Variants in PDE11A observed in about 807,000 individuals in gnomAD.
The protein encoded by PDE11A is dual 3',5'-cyclic-AMP and -GMP phosphodiesterase 11A.
A neutral mutation model predicts 100.5 loss-of-function variants in PDE11A; 100 were observed. The ratio of observed to expected loss-of-function variants is 1.00; its 90% confidence interval spans 0.85 to 1.18. The LOEUF (loss-of-function observed/expected upper bound fraction) is 1.18. Ranked by LOEUF, PDE11A falls within the 50% of genes most tolerant of loss-of-function variation. The probability of loss-of-function intolerance (pLI) is 0.00; values close to 1 mark genes in which losing one functional copy is unlikely to be tolerated. For synonymous variants in PDE11A, 381 were observed against 420.8 expected (o/e 0.91, Z 1.16); for missense variants, 1,141 against 1,152.6 (o/e 0.99, Z 0.15).
At chr2:177,948,906 T>C (rs1443584387) in intron 2 of PDE11A, among the ~76,000 whole-genome samples, 1 of 152,150 alleles carries the variant, frequency 6.6e-6, no homozygotes, top group African/African-American at 2.4e-5. Flanking sequence ...TGACATCTTG[T>C]CTCTGAAAAA....
chr2:177,859,595 T>C (rs2083909367), intron 5 of PDE11A, among the ~76,000 whole-genome samples: 1 of 151,862 alleles, frequency 6.6e-6, no homozygotes, highest in African/African-American at 2.4e-5. Context: ...AGTAGAAGAC[T>C]TGAACAACAC....
intron 10 of PDE11A, among the ~76,000 whole-genome samples, chr2:177,762,271 G>A (rs1235634759): frequency 6.6e-6 from 1 of 152,160 alleles, no homozygotes; most frequent in African/African-American, 2.4e-5. Context: ...CACACTGAAC[G>A]AACAGTAGAG....
chr2:178,059,230 T>A (rs2086936687), intron 1 of PDE11A, among the ~76,000 whole-genome samples: 1 of 152,136 alleles, frequency 6.6e-6, no homozygotes, highest in Non-Finnish European at 1.5e-5. Flanking sequence ...GATACCTGTG[T>A]TCTACTGTTG....
intron 1 of PDE11A, among the ~76,000 whole-genome samples, chr2:178,067,229 G>A (rs912882837): frequency 6.6e-6 from 1 of 151,964 alleles, no homozygotes; most frequent in Admixed American, 6.6e-5. Context: ...ACAGCTTTGA[G>A]CCTCTCCTTG....
chr2:178,061,685 T>A (rs1341100122), intron 1 of PDE11A, among the ~76,000 whole-genome samples: 1 of 152,186 alleles, frequency 6.6e-6, no homozygotes, highest in Non-Finnish European at 1.5e-5. Context: ...ATTTTATACC[T>A]TCATATCTTT....
At chr2:177,871,531 T>C (rs1157060199) in intron 5 of PDE11A, among the ~76,000 whole-genome samples, 1 of 52,580 alleles carries the variant, frequency 1.9e-5, no homozygotes, top group South Asian at 7.5e-4. Context: ...AGTAAATTAT[T>C]ATTATTATTA....
chr2:177,690,046 C>T (rs1028587140), intron 15 of PDE11A, among the ~76,000 whole-genome samples: 10 of 152,166 alleles, frequency 6.6e-5, no homozygotes, highest in Non-Finnish European at 1.2e-4. Flanking sequence ...GCAACTAGCA[C>T]AGTGCCTGGC....
chr2:177,997,444 T>C (rs1242864143), intron 2 of PDE11A: 2 of 825,962 alleles, frequency 2.4e-6, no homozygotes, highest in Non-Finnish European at 4.3e-6. Flanking sequence ...TCCAGGATAG[T>C]GTTACTGTGC....
chr2:177,733,773 T>G (rs1425421105), intron 10 of PDE11A, among the ~76,000 whole-genome samples: 1 of 152,240 alleles, frequency 6.6e-6, no homozygotes. Context: ...CTTTTGCCAA[T>G]ATAATTATAG....
chr2:177,850,647 G>C (rs1574213521), intron 5 of PDE11A, among the ~76,000 whole-genome samples: 1 of 151,500 alleles, frequency 6.6e-6, no homozygotes, highest in Admixed American at 6.6e-5. Context: ...CTGACAAAGG[G>C]CTAATATCCA....
intron 2 of PDE11A, among the ~76,000 whole-genome samples, chr2:177,965,006 C>G (rs1485455993): frequency 6.6e-6 from 1 of 152,134 alleles, no homozygotes; most frequent in Non-Finnish European, 1.5e-5. Flanking sequence ...TAAGTGTTCC[C>G]TTTTCTCTAC....
intron 19 of PDE11A, among the ~76,000 whole-genome samples, chr2:177,649,306 T>C (rs2080272468): frequency 6.6e-6 from 1 of 152,206 alleles, no homozygotes; most frequent in African/African-American, 2.4e-5. Flanking sequence ...ATTGTGTATT[T>C]ACAAGAATAT....
intron 10 of PDE11A, among the ~76,000 whole-genome samples, chr2:177,754,915 T>C (rs1258458432): frequency 6.6e-6 from 1 of 152,238 alleles, no homozygotes; most frequent in African/African-American, 2.4e-5. Flanking sequence ...TATTTTACTA[T>C]GAGTTTCAAA....
At chr2:177,947,571 T>G (rs1300934583) in intron 2 of PDE11A, among the ~76,000 whole-genome samples, 1 of 151,882 alleles carries the variant, frequency 6.6e-6, no homozygotes, top group Non-Finnish European at 1.5e-5. Context: ...GAAGGCAGCA[T>G]GCTCGTTAAG....
rs201501678 is a variant in PDE11A at position 177,898,066 on chromosome 2, C to T, written c.1294G>A (p.Glu432Lys). The change falls in exon 4 of 20, where the codon GAA becomes AAA. Residue 432 changes from glutamate to lysine, a missense_variant. Coordinates refer to ENST00000286063, the MANE Select transcript of PDE11A (RefSeq NM_016953.4). The part of the protein sequence containing the change: ...RCSVLLLEDI[E>K]SPVVKFTKSF... Reference sequence around the variant, plus strand: ...GATAAAAGATAACTTACTGGTGATTCGATGTCCTCTAGGAGTAAAACAGAA... The same window carrying T: ...GATAAAAGATAACTTACTGGTGATTTGATGTCCTCTAGGAGTAAAACAGAA... The T allele has an allele frequency of 6.8e-6, 11 of 1,611,152 alleles. No homozygotes were observed. The highest frequency in any genetic ancestry group is 5.3e-5 in the African/African-American group (4 of 74,970).
chr2:177,842,820 G>C (rs1208678647), intron 5 of PDE11A, among the ~76,000 whole-genome samples: 1 of 152,160 alleles, frequency 6.6e-6, no homozygotes, highest in Non-Finnish European at 1.5e-5. Flanking sequence ...GTTTTAAGGA[G>C]TGGGGAGATA....
chr2:177,965,069 T>C (rs748923715), intron 2 of PDE11A, among the ~76,000 whole-genome samples: 1 of 152,196 alleles, frequency 6.6e-6, no homozygotes, highest in Middle Eastern at 3.2e-3. Flanking sequence ...CCATTCTGAG[T>C]GGTGTGAGAT....
At chr2:177,886,880 G>A (rs983200695) in intron 4 of PDE11A, among the ~76,000 whole-genome samples, 1 of 152,132 alleles carries the variant, frequency 6.6e-6, no homozygotes, top group African/African-American at 2.4e-5. Context: ...AAAGGGAGGA[G>A]AAGGGAAAGG....
chr2:178,083,367 G>A (rs946713780), intron 2 of PDE11A, among the ~76,000 whole-genome samples: 1 of 152,162 alleles, frequency 6.6e-6, no homozygotes, highest in African/African-American at 2.4e-5. Context: ...TCAAAGTGCT[G>A]GGATCACAGG....
Sources: gnomAD v4.1 joint callset for allele counts (sites outside exome capture counted in the v4.1 genomes callset) on GRCh38, gnomAD v4.1.1 for gene constraint, MANE v1.5 for transcripts, NCBI Gene and HGNC (gene_info 2026-07-23, HGNC 2026-07-21) for gene names.